LDAH: variants seen among roughly 807,000 people sequenced by gnomAD.
LDAH encodes the protein lipid droplet-associated hydrolase.
LDAH carries 26 observed loss-of-function variants against 29.6 expected under a neutral mutation model. The ratio of observed to expected loss-of-function variants is 0.88; its 90% CI spans 0.64 to 1.22. LDAH has a LOEUF of 1.22. LDAH is among the 50% of genes most tolerant of loss of function. The pLI, the probability that LDAH is intolerant of heterozygous loss-of-function variation, is 0.00. For synonymous variants in LDAH, 117 were observed against 133.0 expected, an observed-to-expected ratio of 0.88 and a Z score of 0.83; for missense variants, 344 against 387.3, an observed-to-expected ratio of 0.89 and a Z score of 0.94.
chr2:20,813,410 G>A (rs1164903275), intron 1 of LDAH, among the ~76,000 whole-genome samples: 1 of 152,136 alleles, frequency 6.6e-6, no homozygotes, highest in African/African-American at 2.4e-5. Flanking sequence ...ATCCTGCCAA[G>A]TCAAAGAGTT....
At chr2:20,807,312 T>C (rs1291753697) in intron 1 of LDAH, among the ~76,000 whole-genome samples, 1 of 152,096 alleles carries the variant, frequency 6.6e-6, no homozygotes, top group Admixed American at 6.6e-5. Context: ...ATAATACCAA[T>C]TTTACATACA....
Position 20,795,927 on chromosome 2 carries a change from T to C in LDAH, c.154+5383A>G, listed in dbSNP as rs193195705. Among the ~76,000 whole-genome samples, 717 of 144,706 alleles carry C rather than the reference T, an allele frequency of 5.0e-3. 8 individuals carry two copies. The highest frequency in any genetic ancestry group is 0.014 in the Middle Eastern group (4 of 288). The allele number at this position is 144,706 out of a possible 152,430, so 94.9% of individuals were successfully genotyped here. ...GATTATTACCACAGTGTAAATAGAT[T>C]AGCTCCCCCGAAACCTGCCACACAC... is the stretch of plus-strand genomic sequence containing the variant. On this transcript the variant is annotated intron_variant, in intron 2 of 6. Transcript: ENST00000237822.
At chr2:20,718,368 T>C (rs1480107852) in intron 5 of LDAH, among the ~76,000 whole-genome samples, 4 of 152,062 alleles carry the variant, frequency 2.6e-5, no homozygotes, top group African/African-American at 9.7e-5. Flanking sequence ...ATAGCTATAT[T>C]TATAGCACAT....
chr2:20,803,014 G>T (rs1671812575), intron 1 of LDAH, among the ~76,000 whole-genome samples: 1 of 152,116 alleles, frequency 6.6e-6, no homozygotes, highest in African/African-American at 2.4e-5. Flanking sequence ...TTTCTCTATT[G>T]CAGTGGTTCA....
intron 1 of LDAH, among the ~76,000 whole-genome samples, chr2:20,807,935 C>CA (rs569770455): frequency 3.6e-3 from 388 of 108,630 alleles, no homozygotes; most frequent in Middle Eastern, 9.3e-3. Flanking sequence ...ATAGAAAATG[C>CA]AAAAAAAAAA....
intron 1 of LDAH, among the ~76,000 whole-genome samples, chr2:20,813,718 C>A (rs893292266): frequency 1.3e-5 from 2 of 152,184 alleles, no homozygotes; most frequent in Non-Finnish European, 2.9e-5. Context: ...CCCTCTGCAA[C>A]CCTATCATCA....
At chr2:20,752,804 C>T (rs1374849229) in intron 4 of LDAH, among the ~76,000 whole-genome samples, 1 of 152,172 alleles carries the variant, frequency 6.6e-6, no homozygotes, top group Non-Finnish European at 1.5e-5. Context: ...AGAATCCATT[C>T]CTTGCTTCTT....
chr2:20,788,912 TCA>T (rs1478815995), intron 3 of LDAH: 1 of 427,742 alleles, frequency 2.3e-6, no homozygotes, highest in Non-Finnish European at 4.1e-6. Flanking sequence ...GCTAGAATTC[TCA>T]CAGATTTAAA....
Position 20,686,683 on chromosome 2 carries a change from CCCT to C in LDAH, c.*217_*219del. Reference sequence around the variant, plus strand: ...AAGACTCTGTGTAGATCACTGTGTTCCCTGAGTCTTGGAAAATGTATGGTTAAA... The same window carrying C: ...AAGACTCTGTGTAGATCACTGTGTTCGAGTCTTGGAAAATGTATGGTTAAA... On this transcript the variant is annotated 3_prime_UTR_variant, in exon 7 of 7. Transcript: ENST00000237822. 2.3e-6 allele frequency: 1 copy of C among 427,990 alleles called. No individual in the cohort carries two copies. The highest frequency in any genetic ancestry group is 4.2e-6 in the Non-Finnish European group (1 of 238,852). 26.5% of individuals were successfully genotyped at this position (427,990 alleles called of 1,614,324 possible).
Position 20,698,372 on chromosome 2 carries a change from C to G in LDAH, c.786+3198G>C, listed in dbSNP as rs1663653882. Among the ~76,000 whole-genome samples, 1 of 152,190 alleles carries G rather than the reference C, an allele frequency of 6.6e-6. No individual in the cohort carries two copies. The highest frequency in any genetic ancestry group is 2.1e-4 in the South Asian group (1 of 4,834). On this transcript the variant is annotated intron_variant, in intron 6 of 6. Coordinates refer to ENST00000237822, the MANE Select transcript of LDAH (RefSeq NM_021925.4). This position sits in a 1 kb window ranked among gnomAD's most constrained non-coding sequence, Gnocchi z 4.4. Reference sequence around the variant, plus strand: ...AAGGCCTCTTGGGGATGACACTAGACAAGCAGGATTTAGTCAAATGACAAA... The same window carrying G: ...AAGGCCTCTTGGGGATGACACTAGAGAAGCAGGATTTAGTCAAATGACAAA...
At chr2:20,820,643 A>C (rs1098154) in intron 1 of LDAH, among the ~76,000 whole-genome samples, 2 of 148,554 alleles carry the variant, frequency 1.3e-5, no homozygotes, top group Non-Finnish European at 3.0e-5. Flanking sequence ...TAAATGTTAG[A>C]CCTAAAACCA....
intron 4 of LDAH, among the ~76,000 whole-genome samples, chr2:20,754,690 A>G (rs914204816): frequency 6.6e-6 from 1 of 152,152 alleles, no homozygotes; most frequent in African/African-American, 2.4e-5. Flanking sequence ...TTTTACAGCT[A>G]AGAATGCAAA....
At chr2:20,782,962 A>C (rs1475734440) in intron 3 of LDAH, among the ~76,000 whole-genome samples, 1 of 152,192 alleles carries the variant, frequency 6.6e-6, no homozygotes, top group East Asian at 1.9e-4. Flanking sequence ...TCAATGCTAT[A>C]AATTTCCTTC....
At chr2:20,763,667 G>C (rs947035019) in intron 4 of LDAH, among the ~76,000 whole-genome samples, 1 of 152,148 alleles carries the variant, frequency 6.6e-6, no homozygotes, top group East Asian at 1.9e-4. Context: ...AACTTCATTT[G>C]CCCCACCTGT....
At chr2:20,714,341 A>C (rs532762610) in intron 5 of LDAH, among the ~76,000 whole-genome samples, 4 of 152,358 alleles carry the variant, frequency 2.6e-5, no homozygotes, top group African/African-American at 9.6e-5. Flanking sequence ...AATGAGAACA[A>C]AGACACAACG....
rs193212940 is a variant in LDAH at position 20,757,439 on chromosome 2, T to C, written c.469-17234A>G. ...TCAAAGTGACCTACCCTAAGAATAA[T>C]TGCAAAAACAAAGGTAAATCCTCCC... On this transcript the variant is annotated intron_variant, in intron 4 of 6. Transcript: ENST00000237822. 7.5e-3 allele frequency among the ~76,000 whole-genome samples: 1,140 copies of C among 152,280 alleles called. 6 individuals are homozygous for C. The highest frequency in any genetic ancestry group is 0.011 in the Non-Finnish European group (752 of 68,012).
At chr2:20,786,987 A>C (rs1352944939) in intron 3 of LDAH, among the ~76,000 whole-genome samples, 1 of 152,236 alleles carries the variant, frequency 6.6e-6, no homozygotes, top group African/African-American at 2.4e-5. Context: ...AAATTTTCAC[A>C]AAAGTACCTG....
intron 5 of LDAH, among the ~76,000 whole-genome samples, chr2:20,716,745 T>TATATATATATATATATATATATATATATA (rs1665233533): frequency 6.8e-6 from 1 of 147,440 alleles, no homozygotes. Context: ...TATATATATA[T>TATATATATATATATATATATATATATATA]GAGTAGAGAA....
chr2:20,731,616 T>C (rs1006928262), intron 5 of LDAH, among the ~76,000 whole-genome samples: 1 of 152,204 alleles, frequency 6.6e-6, no homozygotes. Context: ...TCTTTATTAA[T>C]AGTCATCATT....
Sources: gnomAD v4.1 joint callset for allele counts (sites outside exome capture counted in the v4.1 genomes callset) on GRCh38, gnomAD v4.1.1 for gene constraint, Gnocchi (gnomAD v3.1) non-coding constraint, MANE v1.5 for transcripts, NCBI Gene and HGNC (gene_info 2026-07-23, HGNC 2026-07-21) for gene names.